AKAP6: variants seen among roughly 807,000 people sequenced by gnomAD.
AKAP6 encodes the protein A-kinase anchor protein 6.
Under a neutral mutation model 188.5 loss-of-function variants are expected in AKAP6, and 58 were observed. The ratio of observed to expected loss-of-function variants is 0.31; its 90% CI spans 0.25 to 0.38. The LOEUF is 0.38. Among genes scored for constraint, AKAP6 ranks in the 10% least tolerant of loss-of-function variants. AKAP6 has a pLI of 1.00. For synonymous variants in AKAP6, 989 were observed against 998.6 expected, an observed-to-expected ratio of 0.99 and a Z score of 0.18; for missense variants, 2,710 against 2,740.0, an observed-to-expected ratio of 0.99 and a Z score of 0.24.
At chr14:32,665,992 A>G (rs1249397278) in intron 7 of AKAP6, among the ~76,000 whole-genome samples, 2 of 152,148 alleles carry the variant, frequency 1.3e-5, no homozygotes, top group African/African-American at 4.8e-5. Flanking sequence ...GAATATTCTT[A>G]TCTAACATTT....
chr14:32,381,926 A>G (rs763225466), intron 1 of AKAP6, among the ~76,000 whole-genome samples: 3 of 152,104 alleles, frequency 2.0e-5, no homozygotes, highest in Non-Finnish European at 4.4e-5. Context: ...TACTCACTGT[A>G]TGATCTCGTC....
At chr14:32,806,462 A>T (rs2034092127) in intron 12 of AKAP6, among the ~76,000 whole-genome samples, 1 of 152,136 alleles carries the variant, frequency 6.6e-6, no homozygotes, top group Non-Finnish European at 1.5e-5. Context: ...GGATTGCTTG[A>T]GGCTAGGAAT....
At chr14:32,718,719 A>G (rs962896789) in intron 9 of AKAP6, among the ~76,000 whole-genome samples, 6 of 152,204 alleles carry the variant, frequency 3.9e-5, no homozygotes, top group Admixed American at 2.0e-4. Context: ...TTCACCAAAT[A>G]AGTTTTTCAC....
rs71115090 is a variant in AKAP6, at chr14:32,682,995, C to CT, written c.2879+4546dup. 4.5e-3 allele frequency among the ~76,000 whole-genome samples: 646 copies of CT among 142,326 alleles called. 6 individuals are homozygous for CT. The highest frequency in any genetic ancestry group is 6.6e-3 in the Non-Finnish European group (432 of 65,702). The allele number at this position is 142,326 out of a possible 152,430, so 93.4% of individuals were successfully genotyped here. ...GATTCTTTTTTTTTCTTTTTTCTTC[C>CT]TTTTTTTTTTGTTTTTGAGACAAAG... On this transcript the variant is annotated intron_variant, in intron 8 of 13. Coordinates refer to ENST00000280979, the MANE Select transcript of AKAP6 (RefSeq NM_004274.5).
intron 9 of AKAP6, among the ~76,000 whole-genome samples, chr14:32,731,456 C>T (rs555087213): frequency 6.6e-6 from 1 of 152,172 alleles, no homozygotes; most frequent in South Asian, 2.1e-4. Context: ...AGGTGCTTAT[C>T]TTAGGGCACC....
intron 2 of AKAP6, among the ~76,000 whole-genome samples, chr14:32,531,842 C>T (rs1882433393): frequency 2.6e-5 from 4 of 152,182 alleles, no homozygotes; most frequent in Admixed American, 2.6e-4. Flanking sequence ...AAAACTGCTG[C>T]ATAGTGTATA....
At chr14:32,710,262 T>A (rs1018019219) in intron 9 of AKAP6, among the ~76,000 whole-genome samples, 1 of 151,698 alleles carries the variant, frequency 6.6e-6, no homozygotes, top group African/African-American at 2.4e-5. Context: ...GGATGCGTAA[T>A]ATATTATTTA....
In AKAP6 at chr14:32,786,297, T is replaced by TGTTTTTTTTTTTTTG. The variant is rs1566710091; in HGVS notation, c.3588+12404_3588+12405insGTTTTTTTTTTTTTG. The stretch of plus-strand genomic sequence containing the variant: ...GCCCTCTGAAAGACCTAAACCTTTA[T>TGTTTTTTTTTTTTTG]CTTTTTTTTTTTTTTTTTTTTTTTT... On this transcript the variant is annotated intron_variant, in intron 12 of 13. Transcript: ENST00000280979. 3.0e-3 allele frequency among the ~76,000 whole-genome samples: 249 copies of TGTTTTTTTTTTTTTG among 83,386 alleles called. 19 individuals are homozygous for TGTTTTTTTTTTTTTG. The highest frequency in any genetic ancestry group is 5.7e-3 in the African/African-American group (125 of 22,084). 54.7% of individuals were successfully genotyped at this position (83,386 alleles called of 152,430 possible).
At chr14:32,505,295 G>A (rs1377288866) in intron 2 of AKAP6, among the ~76,000 whole-genome samples, 1 of 151,102 alleles carries the variant, frequency 6.6e-6, no homozygotes, top group Non-Finnish European at 1.5e-5. Flanking sequence ...ATGTTGGCCA[G>A]GCTTAGCAGG....
rs527275671 is a variant in AKAP6, at chr14:32,833,238, A to G, written c.*3433A>G. 6.6e-6 allele frequency: 1 copy of G among 152,332 alleles called. No individual in the cohort carries two copies. Among genetic ancestry groups the G allele is most frequent in the Admixed American group, 6.5e-5 (1 of 15,302 alleles). The allele number at this position is 152,332 out of a possible 1,614,324, so 9.4% of individuals were successfully genotyped here. On this transcript the variant is annotated 3_prime_UTR_variant, in exon 14 of 14. Coordinates refer to ENST00000280979, the MANE Select transcript of AKAP6 (RefSeq NM_004274.5). ...ACCTATGTGAGGCACTATATTTGGC[A>G]TTAGGTATATAAAGGCAACTAACAC...
At chr14:32,472,214 C>G (rs1055549571) in intron 2 of AKAP6, among the ~76,000 whole-genome samples, 1 of 152,042 alleles carries the variant, frequency 6.6e-6, no homozygotes, top group African/African-American at 2.4e-5. Context: ...CCCCTTTTCC[C>G]CCAGGCTTTA....
chr14:32,507,200 C>A (rs1384422406), intron 2 of AKAP6, among the ~76,000 whole-genome samples: 1 of 152,238 alleles, frequency 6.6e-6, no homozygotes, highest in Admixed American at 6.5e-5. Flanking sequence ...GCATAGCAAA[C>A]CTCAATTGGG....
chr14:32,716,625 A>G (rs1185437300), intron 9 of AKAP6, among the ~76,000 whole-genome samples: 1 of 148,018 alleles, frequency 6.8e-6, no homozygotes, highest in Non-Finnish European at 1.5e-5. Context: ...TATTATCTAC[A>G]TTATATAATG....
intron 1 of AKAP6, among the ~76,000 whole-genome samples, chr14:32,427,027 C>A (rs1425332709): frequency 6.6e-6 from 1 of 152,052 alleles, no homozygotes; most frequent in Non-Finnish European, 1.5e-5. Flanking sequence ...AGGGGCACAG[C>A]TGTACAAAAG....
chr14:32,571,716 A>G (rs748633868), intron 4 of AKAP6, among the ~76,000 whole-genome samples: 35 of 152,166 alleles, frequency 2.3e-4, no homozygotes, highest in Non-Finnish European at 4.4e-4. Flanking sequence ...ATTCACATAC[A>G]CTTCCAAACA....
chr14:32,678,301 CT>C lies in AKAP6; in HGVS notation c.2731-9del. 1 of 1,603,064 alleles carries C rather than the reference CT, an allele frequency of 6.2e-7. No homozygotes were observed. Among genetic ancestry groups the C allele is most frequent in the Non-Finnish European group, 8.5e-7 (1 of 1,171,968 alleles). On this transcript the variant is annotated splice_polypyrimidine_tract_variant and intron_variant, in intron 7 of 13. Coordinates refer to ENST00000280979, the MANE Select transcript of AKAP6 (RefSeq NM_004274.5). Reference sequence around the variant, plus strand: ...TTAAAACAGCAATTTCTCTTTGTTTCTCTTTCCAGGCTGAGGTTCAACTATG... The same window carrying C: ...TTAAAACAGCAATTTCTCTTTGTTTCCTTTCCAGGCTGAGGTTCAACTATG...
intron 9 of AKAP6, among the ~76,000 whole-genome samples, chr14:32,712,678 C>T (rs1224744395): frequency 6.6e-6 from 1 of 152,098 alleles, no homozygotes. Flanking sequence ...AGGAACACAT[C>T]ATTTGTTCAA....
chr14:32,431,703 A>G (rs1444178456), intron 1 of AKAP6, among the ~76,000 whole-genome samples: 1 of 152,114 alleles, frequency 6.6e-6, no homozygotes, highest in African/African-American at 2.4e-5. Flanking sequence ...TAGTAGAGAC[A>G]GGGTTTCACC....
intron 2 of AKAP6, among the ~76,000 whole-genome samples, chr14:32,450,331 A>T (rs1007552381): frequency 1.3e-5 from 2 of 151,906 alleles, no homozygotes; most frequent in African/African-American, 4.8e-5. Flanking sequence ...TGTGAGAGAG[A>T]GAGAGAGAGA....
Sources: allele counts gnomAD v4.1 joint callset (sites outside exome capture counted in the v4.1 genomes callset), GRCh38; gene constraint gnomAD v4.1.1; transcripts MANE v1.5; gene names NCBI Gene and HGNC (gene_info 2026-07-23, HGNC 2026-07-21).